ARHGAP18: variants seen among roughly 807,000 people sequenced by gnomAD.
ARHGAP18 encodes the protein rho GTPase-activating protein 18.
A neutral mutation model predicts 86.2 loss-of-function variants in ARHGAP18; 67 were observed. The observed-to-expected ratio is 0.78, with a 90% CI of 0.64 to 0.95. The LOEUF (loss-of-function observed/expected upper bound fraction) is 0.95, where lower values mean the gene tolerates loss of function less well. ARHGAP18 is among the 40% of genes least tolerant of loss of function. The pLI is 0.00. For missense variants in ARHGAP18, 691 were observed against 780.4 expected (o/e 0.89, Z 1.37); for synonymous variants, 283 against 280.4 (o/e 1.01, Z -0.09).
chr6:129,633,387 A>G (rs555100384), intron 4 of ARHGAP18, among the ~76,000 whole-genome samples: 53 of 150,046 alleles, frequency 3.5e-4, no homozygotes, highest in Middle Eastern at 3.4e-3. Context: ...GTGAGCCAAG[A>G]CGACGCCACT....
chr6:129,677,508 T>G (rs1186061254), intron 1 of ARHGAP18, among the ~76,000 whole-genome samples: 1 of 152,236 alleles, frequency 6.6e-6, no homozygotes, highest in African/African-American at 2.4e-5. Context: ...GCCAGTTTGG[T>G]GCACTCTCAC....
chr6:129,625,096 G>C (rs13210389), intron 5 of ARHGAP18, among the ~76,000 whole-genome samples: 1 of 65,534 alleles, frequency 1.5e-5, no homozygotes. Flanking sequence ...TATGATATAT[G>C]ATATATATTA....
chr6:129,645,289 G>C (rs1478561490), intron 1 of ARHGAP18, among the ~76,000 whole-genome samples: 1 of 152,110 alleles, frequency 6.6e-6, no homozygotes, highest in Non-Finnish European at 1.5e-5. Context: ...AAACTGTTCT[G>C]CTAAGAGGCC....
intron 1 of ARHGAP18, among the ~76,000 whole-genome samples, chr6:129,675,058 G>A (rs1199571677): frequency 2.0e-5 from 3 of 152,154 alleles, no homozygotes; most frequent in Non-Finnish European, 2.9e-5. Flanking sequence ...ATCTGCCAGC[G>A]ACTCTTAAAC....
chr6:129,660,735 C>T (rs147283538), intron 1 of ARHGAP18, among the ~76,000 whole-genome samples: 1 of 152,100 alleles, frequency 6.6e-6, no homozygotes, highest in East Asian at 1.9e-4. Flanking sequence ...AAGAACTGAT[C>T]TAGACATCTG....
chr6:129,664,804 G>A (rs1272042536), intron 1 of ARHGAP18, among the ~76,000 whole-genome samples: 1 of 152,210 alleles, frequency 6.6e-6, no homozygotes, highest in Non-Finnish European at 1.5e-5. Context: ...AACCAGTCAG[G>A]TGGTGAGAAG....
chr6:129,654,323 C>T (rs935248594), intron 1 of ARHGAP18, among the ~76,000 whole-genome samples: 2 of 152,208 alleles, frequency 1.3e-5, no homozygotes, highest in African/African-American at 4.8e-5. Context: ...TGAGCTCCAG[C>T]AAATGCCACC....
intron 5 of ARHGAP18, among the ~76,000 whole-genome samples, chr6:129,625,106 ATATATTATATAGATATATAT>A (rs1789333938): frequency 1.2e-5 from 1 of 83,356 alleles, no homozygotes; most frequent in African/African-American, 4.6e-5. Flanking sequence ...GATATATATT[ATATATTATATAGATATATAT>A]TATATATGAT....
At chr6:129,679,755 T>C (rs923129035) in intron 1 of ARHGAP18, among the ~76,000 whole-genome samples, 1 of 152,240 alleles carries the variant, frequency 6.6e-6, no homozygotes, top group African/African-American at 2.4e-5. Context: ...CCCTCCTGCA[T>C]TGGTTTCATG....
intron 1 of ARHGAP18, among the ~76,000 whole-genome samples, chr6:129,681,065 G>A (rs1023478048): frequency 2.0e-5 from 3 of 152,080 alleles, no homozygotes; most frequent in Admixed American, 6.6e-5. Flanking sequence ...TCCTTAATCA[G>A]AAGTTTTTTT....
At chr6:129,650,969 C>T (rs1011830054) in intron 1 of ARHGAP18, among the ~76,000 whole-genome samples, 7 of 152,278 alleles carry the variant, frequency 4.6e-5, no homozygotes, top group East Asian at 3.9e-4. Flanking sequence ...TCTGCTTGTG[C>T]GTGTGTCCCC....
chr6:129,619,895 G>A (rs1789192253), intron 5 of ARHGAP18, among the ~76,000 whole-genome samples: 1 of 151,900 alleles, frequency 6.6e-6, no homozygotes, highest in Admixed American at 6.6e-5. Context: ...CTTACTAGTT[G>A]TGTGACTTAT....
chr6:129,581,687 G>T (rs1041527934), intron 13 of ARHGAP18, among the ~76,000 whole-genome samples: 1 of 152,094 alleles, frequency 6.6e-6, no homozygotes, highest in Non-Finnish European at 1.5e-5. Context: ...ATGAATGAAC[G>T]TGCGATTTAT....
intron 7 of ARHGAP18, among the ~76,000 whole-genome samples, chr6:129,615,184 C>T (rs1789069321): frequency 6.6e-6 from 1 of 152,222 alleles, no homozygotes; most frequent in South Asian, 2.1e-4. Flanking sequence ...ATTGCAACTG[C>T]TACTGACAGA....
chr6:129,650,997 TC>T (rs1773699765), intron 1 of ARHGAP18, among the ~76,000 whole-genome samples: 2 of 152,210 alleles, frequency 1.3e-5, no homozygotes, highest in Non-Finnish European at 2.9e-5. Context: ...AATTATGTGT[TC>T]CTTGGGGGCA....
At chr6:129,664,770 C>T (rs1774008995) in intron 1 of ARHGAP18, among the ~76,000 whole-genome samples, 1 of 152,016 alleles carries the variant, frequency 6.6e-6, no homozygotes, top group Admixed American at 6.6e-5. Context: ...GGCAAGGAGA[C>T]AAAAAGTAAA....
Position 129,608,064 on chromosome 6 carries a change from G to GAAAAAA in ARHGAP18, c.1123-18_1123-13dup, listed in dbSNP as rs577070164. The GAAAAAA allele has an allele frequency of 6.0e-4, 590 of 984,828 alleles. No individual in the cohort carries two copies. Among genetic ancestry groups the GAAAAAA allele is most frequent in the Non-Finnish European group, 6.7e-4 (544 of 806,788 alleles). 61.0% of individuals were successfully genotyped at this position (984,828 alleles called of 1,614,324 possible). A position where few individuals can be genotyped will look rare whatever the true frequency, so the allele number is the denominator to read the frequency against. On this transcript the variant is annotated splice_polypyrimidine_tract_variant and intron_variant, in intron 8 of 14. Transcript: ENST00000368149. ...TCTTGGCAAAGATTCTGATAGGCAC[G>GAAAAAA]AAAAAAAAAAAAAAAAAAAAAAGAA...
At chr6:129,681,386 C>A (rs745321683) in intron 1 of ARHGAP18, among the ~76,000 whole-genome samples, 3 of 152,106 alleles carry the variant, frequency 2.0e-5, no homozygotes, top group African/African-American at 4.8e-5. Flanking sequence ...AGAAGTATTT[C>A]TTAACATTGT....
chr6:129,604,363 C>T (rs570482978), intron 10 of ARHGAP18, among the ~76,000 whole-genome samples: 2 of 152,218 alleles, frequency 1.3e-5, no homozygotes, highest in African/African-American at 4.8e-5. Context: ...TCAGCCACAC[C>T]CAAAGCAGCC....
Sources: gnomAD v4.1 joint callset for allele counts (sites outside exome capture counted in the v4.1 genomes callset) on GRCh38, gnomAD v4.1.1 for gene constraint, MANE v1.5 for transcripts, NCBI Gene and HGNC (gene_info 2026-07-23, HGNC 2026-07-21) for gene names.